The following DIAPH3 variants were observed in gnomAD, a reference collection of about 807,000 sequenced individuals.
The protein encoded by DIAPH3 is diaphanous related formin 3.
Under a neutral mutation model 144.3 loss-of-function variants are expected in DIAPH3, and 117 were observed. That is an observed-to-expected ratio of 0.81 (90% confidence interval 0.70 to 0.95). DIAPH3 has a LOEUF of 0.95. DIAPH3 is among the 40% of genes least tolerant of loss of function. DIAPH3 has a pLI of 0.00. For synonymous variants in DIAPH3, 519 were observed against 488.9 expected (o/e 1.06, Z -0.81); for missense variants, 1,421 against 1,412.7 (o/e 1.01, Z -0.09).
chr13:59,704,692 T>A (rs148401606), intron 27 of DIAPH3, among the ~76,000 whole-genome samples: 1 of 152,208 alleles, frequency 6.6e-6, no homozygotes, highest in Non-Finnish European at 1.5e-5. Context: ...GTATTCAGCA[T>A]AGTAACATGT....
At chr13:59,878,210 T>C (rs942951203) in intron 21 of DIAPH3, among the ~76,000 whole-genome samples, 5 of 152,028 alleles carry the variant, frequency 3.3e-5, no homozygotes, top group Admixed American at 6.6e-5. Context: ...GTTTTAGGAA[T>C]TGCATCGCCC....
chr13:59,852,750 G>A (rs980134581), intron 22 of DIAPH3, among the ~76,000 whole-genome samples: 5 of 152,072 alleles, frequency 3.3e-5, no homozygotes, highest in Admixed American at 6.5e-5. Flanking sequence ...ATTTGCAGTC[G>A]TTATGTTCTA....
intron 27 of DIAPH3, among the ~76,000 whole-genome samples, chr13:59,768,231 C>T (rs2037950508): frequency 6.6e-6 from 1 of 152,004 alleles, no homozygotes; most frequent in African/African-American, 2.4e-5. Context: ...TAATAGCTCC[C>T]TTTCTTAGGT....
chr13:59,852,418 C>T (rs1185899936), intron 22 of DIAPH3, among the ~76,000 whole-genome samples: 1 of 152,120 alleles, frequency 6.6e-6, no homozygotes, highest in Non-Finnish European at 1.5e-5. Context: ...CATGCATCAC[C>T]TCCAGAAAAA....
At chr13:60,009,254 C>A (rs946285529) in intron 8 of DIAPH3, among the ~76,000 whole-genome samples, 1 of 152,184 alleles carries the variant, frequency 6.6e-6, no homozygotes, top group East Asian at 1.9e-4. Flanking sequence ...TAGTTAACAG[C>A]ATCCAGCACA....
chr13:60,150,506 C>T (rs1274354302), intron 1 of DIAPH3, among the ~76,000 whole-genome samples: 1 of 152,166 alleles, frequency 6.6e-6, no homozygotes, highest in African/African-American at 2.4e-5. Flanking sequence ...TCTCAACCCC[C>T]TCATGTGCAA....
intron 27 of DIAPH3, among the ~76,000 whole-genome samples, chr13:59,720,500 T>C (rs574564996): frequency 2.0e-5 from 3 of 152,290 alleles, no homozygotes; most frequent in African/African-American, 4.8e-5. Flanking sequence ...CAATGTGATA[T>C]GTCATAATCA....
At chr13:60,069,444 A>G (rs960321227) in intron 4 of DIAPH3, among the ~76,000 whole-genome samples, 1 of 151,914 alleles carries the variant, frequency 6.6e-6, no homozygotes, top group South Asian at 2.1e-4. Context: ...TACTCTCTTG[A>G]TGGTTTCTTT....
At position 59,992,515 on chromosome 13, in the gene DIAPH3, G is replaced by C; in HGVS notation, c.1083C>G (p.Ile361Met). The C allele has an allele frequency of 3.1e-6, 5 of 1,612,176 alleles. No homozygotes were observed. The highest frequency in any genetic ancestry group is 4.2e-6 in the Non-Finnish European group (5 of 1,179,144). The change falls in exon 10 of 28, where the codon ATC becomes ATG. Residue 361 changes from isoleucine (I) to methionine (M), a missense_variant. Transcript: ENST00000400324. ...ATCCACAACGCATAAATTCATTTCT[G>C]ATGTGAAGCCTGAAATCCAAATCAT... is the stretch of plus-strand genomic sequence containing the variant. ...SPDDLDFRLH[I>M]RNEFMRCGLK... is the part of the protein sequence containing the mutation.
intron 5 of DIAPH3, among the ~76,000 whole-genome samples, chr13:60,038,261 TG>T (rs1169548758): frequency 2.0e-5 from 3 of 152,166 alleles, no homozygotes; most frequent in Non-Finnish European, 4.4e-5. Flanking sequence ...AATTGTCTTT[TG>T]GAAATGTTTA....
Position 59,879,356 on chromosome 13 carries a change from C to T in DIAPH3, c.2480G>A (p.Cys827Tyr), listed in dbSNP as rs2044848531. Residue 827 changes from cysteine to tyrosine, a missense_variant, in exon 21 of 28, where the codon TGC (cysteine) becomes TAC (tyrosine). Coordinates refer to ENST00000400324, the MANE Select transcript of DIAPH3 (RefSeq NM_001042517.2). The stretch of plus-strand genomic sequence containing the variant: ...GCTTTTGCTCTTCTTTATCTCTTCG[C>T]AGGCAGTACTGACAGCCATGATGTC... Reference protein sequence around the residue: ...KPDIMAVSTACEEIKKSKSFS... With the variant: ...KPDIMAVSTAYEEIKKSKSFS... 4 of 1,613,880 alleles carry T rather than the reference C, an allele frequency of 2.5e-6. No homozygotes were observed. Among genetic ancestry groups the T allele is most frequent in the South Asian group, 2.2e-5 (2 of 91,082 alleles).
intron 22 of DIAPH3, among the ~76,000 whole-genome samples, chr13:59,845,122 T>C (rs2042562526): frequency 6.6e-6 from 1 of 151,280 alleles, no homozygotes. Flanking sequence ...CTCGGCTCAC[T>C]GCAAACTCCG....
intron 27 of DIAPH3, among the ~76,000 whole-genome samples, chr13:59,731,679 T>G (rs75083375): frequency 6.6e-6 from 1 of 152,166 alleles, no homozygotes; most frequent in Non-Finnish European, 1.5e-5. Flanking sequence ...CGTTGAGACA[T>G]AATTGCCATA....
At chr13:59,992,605 G>A in intron 9 of DIAPH3, 22 bp from the exon 10 acceptor site, 1 of 1,570,308 alleles carries the variant, frequency 6.4e-7, no homozygotes. Context: ...CAAACAGTGA[G>A]ACAGACTGGG....
chr13:60,003,533 A>ATATC (rs976932139), intron 9 of DIAPH3, among the ~76,000 whole-genome samples: 8 of 150,264 alleles, frequency 5.3e-5, no homozygotes, highest in South Asian at 2.1e-4. Flanking sequence ...ATATATAGAT[A>ATATC]TATCTATCTA....
chr13:59,692,616 CA>C (rs2033591182), intron 27 of DIAPH3, among the ~76,000 whole-genome samples: 1 of 152,032 alleles, frequency 6.6e-6, no homozygotes, highest in Admixed American at 6.6e-5. Flanking sequence ...CCAGAATGGT[CA>C]AAAGATATGC....
chr13:59,730,802 A>G (rs1295488623), intron 27 of DIAPH3, among the ~76,000 whole-genome samples: 1 of 152,182 alleles, frequency 6.6e-6, no homozygotes, highest in Non-Finnish European at 1.5e-5. Context: ...TCTACTTCAA[A>G]GGATGTTGAG....
intron 20 of DIAPH3, among the ~76,000 whole-genome samples, chr13:59,894,291 C>T (rs1384420102): frequency 6.6e-6 from 1 of 151,922 alleles, no homozygotes; most frequent in Non-Finnish European, 1.5e-5. Flanking sequence ...CATCAGGTGG[C>T]ATTCAGGTAA....
intron 2 of DIAPH3, among the ~76,000 whole-genome samples, chr13:60,123,514 A>T (rs1408983644): frequency 1.3e-5 from 2 of 152,220 alleles, no homozygotes; most frequent in Non-Finnish European, 2.9e-5. Context: ...AAAGATTCTA[A>T]GATAGTACTT....
Sources: gnomAD v4.1 joint callset for allele counts (sites outside exome capture counted in the v4.1 genomes callset) on GRCh38, gnomAD v4.1.1 for gene constraint, MANE v1.5 for transcripts, NCBI Gene and HGNC (gene_info 2026-07-23, HGNC 2026-07-21) for gene names.